FA2H: variants seen among roughly 807,000 people sequenced by gnomAD.
The protein encoded by FA2H is fatty acid 2-hydroxylase, also known as fatty acid alpha-hydroxylase.
A neutral mutation model predicts 44.9 loss-of-function variants in FA2H; 22 were observed. The ratio of observed to expected loss-of-function variants is 0.49; its 90% CI spans 0.35 to 0.70. FA2H has a LOEUF of 0.70. Ranked by LOEUF, FA2H falls within the 30% of genes least tolerant of loss-of-function variation. The pLI is 0.01. For synonymous variants in FA2H, 243 were observed against 213.2 expected (o/e 1.14, Z -1.22); for missense variants, 501 against 504.9 (o/e 0.99, Z 0.07).
chr16:74,737,173 C>T (rs1962198517), intron 2 of FA2H, among the ~76,000 whole-genome samples: 1 of 152,158 alleles, frequency 6.6e-6, no homozygotes, highest in Non-Finnish European at 1.5e-5. Flanking sequence ...GTGGAGAGGG[C>T]TCCCAAGGGA....
At chr16:74,729,784 G>A (rs1314109029) in intron 2 of FA2H, among the ~76,000 whole-genome samples, 3 of 152,026 alleles carry the variant, frequency 2.0e-5, no homozygotes, top group Non-Finnish European at 4.4e-5. Context: ...GAGCCCCTCA[G>A]TGCCCTCATC....
intron 4 of FA2H, among the ~76,000 whole-genome samples, chr16:74,723,365 C>T (rs1001341114): frequency 6.6e-6 from 1 of 152,148 alleles, no homozygotes; most frequent in African/African-American, 2.4e-5. Flanking sequence ...AAACCTGGAC[C>T]CTCTGCCTCT....
At chr16:74,773,511 GGGAA>G (rs1962947168) in intron 1 of FA2H, among the ~76,000 whole-genome samples, 1 of 152,148 alleles carries the variant, frequency 6.6e-6, no homozygotes, top group Non-Finnish European at 1.5e-5. Flanking sequence ...GCCAGGCCTG[GGGAA>G]CATCAAGAGA....
At chr16:74,745,996 G>A (rs547895959) in intron 1 of FA2H, among the ~76,000 whole-genome samples, 1 of 152,152 alleles carries the variant, frequency 6.6e-6, no homozygotes, top group East Asian at 1.9e-4. Context: ...TAGCAGAGAC[G>A]GGGTTTCACC....
intron 1 of FA2H, among the ~76,000 whole-genome samples, chr16:74,756,722 G>T (rs1229365745): frequency 6.6e-6 from 1 of 152,114 alleles, no homozygotes; most frequent in African/African-American, 2.4e-5. Flanking sequence ...TATGTGAAAA[G>T]AGTAGGTTTT....
chr16:74,766,493 C>T (rs1016403634), intron 1 of FA2H, among the ~76,000 whole-genome samples: 4 of 151,974 alleles, frequency 2.6e-5, no homozygotes, highest in Admixed American at 2.6e-4. Context: ...AGGAGCCCTG[C>T]CATAACATGA....
At chr16:74,755,034 C>T (rs565733034) in intron 1 of FA2H, among the ~76,000 whole-genome samples, 2 of 152,278 alleles carry the variant, frequency 1.3e-5, no homozygotes, top group South Asian at 4.1e-4. Context: ...AGGACAGCAG[C>T]CCCCCTAGAA....
intron 1 of FA2H, among the ~76,000 whole-genome samples, chr16:74,773,689 C>T (rs1962951224): frequency 6.6e-6 from 1 of 152,184 alleles, no homozygotes; most frequent in African/African-American, 2.4e-5. Flanking sequence ...TCAGAGCCTC[C>T]CTGAGCCTCA....
intron 1 of FA2H, among the ~76,000 whole-genome samples, chr16:74,750,423 T>C (rs948181171): frequency 3.3e-5 from 5 of 152,344 alleles, no homozygotes; most frequent in Middle Eastern, 6.8e-3. Flanking sequence ...AATGCGTCTT[T>C]TATTATCTAA....
intron 2 of FA2H, among the ~76,000 whole-genome samples, chr16:74,737,961 G>A (rs373533386): frequency 2.5e-4 from 38 of 152,238 alleles, no homozygotes; most frequent in African/African-American, 7.7e-4. Flanking sequence ...TGAGGTGAAC[G>A]AGGCAGCAGC....
At chr16:74,730,170 T>C (rs990458398) in intron 2 of FA2H, among the ~76,000 whole-genome samples, 4 of 150,732 alleles carry the variant, frequency 2.7e-5, no homozygotes, top group African/African-American at 9.8e-5. Context: ...AGCAGGGGGG[T>C]GGGGGTCCTG....
At chr16:74,714,718 G>A (rs1961657071) in intron 6 of FA2H, among the ~76,000 whole-genome samples, 1 of 152,132 alleles carries the variant, frequency 6.6e-6, no homozygotes, top group Admixed American at 6.5e-5. Context: ...GCCACACATG[G>A]CTACTGAGCA....
At chr16:74,721,483 A>G (rs1234986858) in intron 4 of FA2H, among the ~76,000 whole-genome samples, 1 of 152,056 alleles carries the variant, frequency 6.6e-6, no homozygotes, top group African/African-American at 2.4e-5. Flanking sequence ...GTTCTCTTTT[A>G]ACCCTTACTC....
At position 74,774,625 on chromosome 16, in the gene FA2H, G is replaced by T. The variant is rs915291720; in HGVS notation, c.131C>A (p.Pro44Gln). The stretch of plus-strand genomic sequence containing the variant: ...GGCCCGCAGCAGCTGCTCGCCCCCC[G>T]GGTGGTGCCGCACGAAGCTGGAGAG... ...YDLSSFVRHH[P>Q]GGEQLLRARA... The change falls in exon 1 of 7, where the codon CCG becomes CAG. Residue 44 changes from proline (P) to glutamine (Q), a missense_variant. Transcript: ENST00000219368. 5.9e-6 allele frequency: 9 copies of T among 1,516,080 alleles called. No individual in the cohort carries two copies. In the Admixed American group the frequency reaches 1.4e-4, roughly 24 times the overall value. The allele number at this position is 1,516,080 out of a possible 1,614,324, so 93.9% of individuals were successfully genotyped here.
intron 1 of FA2H, among the ~76,000 whole-genome samples, chr16:74,745,982 T>C (rs1267234493): frequency 6.6e-6 from 1 of 152,120 alleles, no homozygotes; most frequent in African/African-American, 2.4e-5. Flanking sequence ...ATTTTTTGTA[T>C]TTTTAGCAGA....
At chr16:74,750,896 C>T (rs1475909089) in intron 1 of FA2H, among the ~76,000 whole-genome samples, 1 of 152,038 alleles carries the variant, frequency 6.6e-6, no homozygotes, top group African/African-American at 2.4e-5. Flanking sequence ...ATCCTTCTAC[C>T]TCAGCCTCCT....
At chr16:74,759,650 C>T (rs1337922643) in intron 1 of FA2H, among the ~76,000 whole-genome samples, 5 of 152,250 alleles carry the variant, frequency 3.3e-5, no homozygotes, top group East Asian at 1.9e-4. Context: ...TAGCAAGACA[C>T]TCCAGAGGTA....
At position 74,749,246 on chromosome 16, in the gene FA2H, T is replaced by A. The variant is rs1031014788; in HGVS notation, c.271-9131A>T. Among the ~76,000 whole-genome samples, 32 of 152,220 alleles carry A rather than the reference T, an allele frequency of 2.1e-4. 1 individual carries two copies. Among genetic ancestry groups the A allele is most frequent in the Non-Finnish European group, 1.0e-4 (7 of 68,036 alleles). On this transcript the variant is annotated intron_variant, in intron 1 of 6. Coordinates refer to ENST00000219368, the MANE Select transcript of FA2H (RefSeq NM_024306.5). ...CATCTTTAATAAGCTGCCCTCTGCC[T>A]TTCTAGATCCAATCCAGGAGTCAGG...
At chr16:74,755,914 C>T (rs780568700) in intron 1 of FA2H, among the ~76,000 whole-genome samples, 10 of 152,146 alleles carry the variant, frequency 6.6e-5, no homozygotes, top group East Asian at 1.9e-4. Flanking sequence ...AGTCTGACAA[C>T]GATATGCCTC....
Sources: allele counts gnomAD v4.1 joint callset (sites outside exome capture counted in the v4.1 genomes callset), GRCh38; gene constraint gnomAD v4.1.1; transcripts MANE v1.5; gene names NCBI Gene and HGNC (gene_info 2026-07-23, HGNC 2026-07-21).